The following CDH18 variants were observed in gnomAD, a reference collection of about 807,000 sequenced individuals.
CDH18 encodes the protein cadherin-18.
In CDH18, 31 loss-of-function variants were observed where a neutral mutation model predicts 67.9. The observed-to-expected ratio is 0.46, with a 90% CI of 0.34 to 0.62. The LOEUF (loss-of-function observed/expected upper bound fraction) is 0.62, where lower values mean the gene tolerates loss of function less well. Among genes scored for constraint, CDH18 ranks in the 20% least tolerant of loss-of-function variants. The pLI is 0.01. For missense variants in CDH18, 890 were observed against 975.5 expected, an observed-to-expected ratio of 0.91 and a Z score of 1.17; for synonymous variants, 362 against 347.2, an observed-to-expected ratio of 1.04 and a Z score of -0.48.
chr5:19,686,008 A>G (rs1488475939), intron 5 of CDH18, among the ~76,000 whole-genome samples: 1 of 152,162 alleles, frequency 6.6e-6, no homozygotes, highest in Non-Finnish European at 1.5e-5. Flanking sequence ...GGTGAGCATA[A>G]AGTATTGTAT....
chr5:20,398,628 A>C (rs1745480635), intron 1 of CDH18, among the ~76,000 whole-genome samples: 1 of 152,162 alleles, frequency 6.6e-6, no homozygotes, highest in Non-Finnish European at 1.5e-5. Context: ...TATGTAAAAA[A>C]CCACCACAGC....
chr5:20,316,723 A>G (rs1282116289), intron 1 of CDH18, among the ~76,000 whole-genome samples: 1 of 152,054 alleles, frequency 6.6e-6, no homozygotes, highest in East Asian at 1.9e-4. Flanking sequence ...AAAGACAGTT[A>G]TAGAAGGGGA....
At chr5:19,737,114 C>T (rs903560543) in intron 4 of CDH18, among the ~76,000 whole-genome samples, 11 of 152,092 alleles carry the variant, frequency 7.2e-5, no homozygotes, top group Non-Finnish European at 1.0e-4. Flanking sequence ...CTTCTCTCTG[C>T]GTGATGTGCC....
intron 2 of CDH18, among the ~76,000 whole-genome samples, chr5:20,073,448 A>C (rs1037591660): frequency 6.6e-6 from 1 of 152,058 alleles, no homozygotes; most frequent in African/African-American, 2.4e-5. Context: ...ATTTTGAACC[A>C]GAATTTTTTT....
chr5:19,545,947 T>C (rs1047155849), intron 8 of CDH18, among the ~76,000 whole-genome samples: 4 of 152,126 alleles, frequency 2.6e-5, no homozygotes, highest in African/African-American at 9.7e-5. Flanking sequence ...GATTGAGCAC[T>C]GAAGTACACA....
chr5:19,888,423 A>T (rs894133420), intron 2 of CDH18, among the ~76,000 whole-genome samples: 1 of 151,930 alleles, frequency 6.6e-6, no homozygotes, highest in African/African-American at 2.4e-5. Context: ...TAAGTCTTAG[A>T]TATCTTTCAT....
At chr5:20,082,226 A>G (rs1044605382) in intron 2 of CDH18, among the ~76,000 whole-genome samples, 2 of 152,112 alleles carry the variant, frequency 1.3e-5, no homozygotes, top group African/African-American at 4.8e-5. Context: ...CATTATTTAT[A>G]TAAGACAATA....
intron 1 of CDH18, among the ~76,000 whole-genome samples, chr5:20,375,439 G>T (rs940120650): frequency 8.5e-5 from 13 of 152,260 alleles, no homozygotes; most frequent in African/African-American, 3.1e-4. Context: ...TCTTAAACAA[G>T]TATCACGTAG....
intron 1 of CDH18, among the ~76,000 whole-genome samples, chr5:20,274,388 A>G (rs1246987063): frequency 6.6e-6 from 1 of 152,170 alleles, no homozygotes; most frequent in Non-Finnish European, 1.5e-5. Flanking sequence ...CCAGAAAAAA[A>G]ACCTACAAGG....
At chr5:20,569,659 G>A (rs1462126061) in intron 1 of CDH18, among the ~76,000 whole-genome samples, 1 of 152,102 alleles carries the variant, frequency 6.6e-6, no homozygotes, top group African/African-American at 2.4e-5. Flanking sequence ...ATATAATCCA[G>A]AAATCATGCT....
intron 2 of CDH18, among the ~76,000 whole-genome samples, chr5:19,962,644 C>G (rs1797038777): frequency 6.6e-6 from 1 of 151,700 alleles, no homozygotes; most frequent in South Asian, 2.1e-4. Flanking sequence ...GGCATGGTGG[C>G]AGGTGCTTGT....
chr5:20,082,340 T>C (rs1744552354), intron 2 of CDH18, among the ~76,000 whole-genome samples: 1 of 152,204 alleles, frequency 6.6e-6, no homozygotes, highest in African/African-American at 2.4e-5. Flanking sequence ...AAAGTAATTG[T>C]GATTTTTGCA....
chr5:19,520,457 T>C (rs1746716907), intron 10 of CDH18, among the ~76,000 whole-genome samples, 200 bp downstream of exon 10: 1 of 152,194 alleles, frequency 6.6e-6, no homozygotes, highest in South Asian at 2.1e-4. Flanking sequence ...TTTTCTGAGT[T>C]ACATTTCGGA....
rs765370372 is a variant in CDH18 at position 19,838,844 on chromosome 5, T to C, written c.143A>G (p.His48Arg). 2.9e-5 allele frequency: 46 copies of C among 1,613,980 alleles called. No individual in the cohort carries two copies. The highest frequency in any genetic ancestry group is 3.9e-5 in the Non-Finnish European group (46 of 1,179,970). ...TACCCATCCCCTTTTGGGACGATGA[T>C]GGACTTCGGTTTCACCTTCAATGTG... ...TKHIEGETEV[H>R]HRPKRGWVWN... Residue 48 changes from histidine to arginine, a missense_variant, in exon 3 of 13, where the codon CAT becomes CGT. By Grantham distance (29) the His-to-Arg change is conservative. Transcript: ENST00000382275.
intron 5 of CDH18, among the ~76,000 whole-genome samples, chr5:19,667,663 T>G (rs1012353511): frequency 6.6e-6 from 1 of 151,482 alleles, no homozygotes; most frequent in Non-Finnish European, 1.5e-5. Flanking sequence ...ACAGATAAAA[T>G]TACACAAATG....
At chr5:20,139,687 C>T (rs1368746612) in intron 2 of CDH18, among the ~76,000 whole-genome samples, 1 of 152,190 alleles carries the variant, frequency 6.6e-6, no homozygotes, top group African/African-American at 2.4e-5. Flanking sequence ...CAGAAGAAGA[C>T]ATTCATGCAG....
intron 5 of CDH18, among the ~76,000 whole-genome samples, chr5:19,616,238 T>C (rs1749810026): frequency 6.6e-6 from 1 of 152,146 alleles, no homozygotes; most frequent in African/African-American, 2.4e-5. Flanking sequence ...CTGTCTTTTT[T>C]TTAACCGAAT....
At chr5:20,443,233 T>TAAAAAAAAAAAAA (rs1749764879) in intron 1 of CDH18, among the ~76,000 whole-genome samples, 1 of 116,154 alleles carries the variant, frequency 8.6e-6, no homozygotes, top group Non-Finnish European at 1.8e-5. Flanking sequence ...AAAAAAAAAG[T>TAAAAAAAAAAAAA]ATATCTTTTG....
chr5:19,896,372 A>G (rs1413854767), intron 2 of CDH18, among the ~76,000 whole-genome samples: 2 of 152,106 alleles, frequency 1.3e-5, no homozygotes, highest in African/African-American at 4.8e-5. Flanking sequence ...ATAAATAAAT[A>G]AAATAAAGAG....
Sources: allele counts gnomAD v4.1 joint callset (sites outside exome capture counted in the v4.1 genomes callset), GRCh38; gene constraint gnomAD v4.1.1; transcripts MANE v1.5; gene names NCBI Gene and HGNC (gene_info 2026-07-23, HGNC 2026-07-21).